PCDH11X: variants seen among roughly 807,000 people sequenced by gnomAD.
The protein encoded by PCDH11X is protocadherin-11 X-linked.
In PCDH11X, 18 loss-of-function variants were observed where a neutral mutation model predicts 53.3. The ratio of observed to expected loss-of-function variants is 0.34; its 90% CI spans 0.23 to 0.50. PCDH11X has a LOEUF of 0.50. Ranked by LOEUF, PCDH11X falls within the 20% of genes least tolerant of loss-of-function variation. The pLI is 0.98. For synonymous variants in PCDH11X, 279 were observed against 393.3 expected (o/e 0.71, Z 3.44); for missense variants, 570 against 1,032.4 (o/e 0.55, Z 6.14).
intron 7 of PCDH11X, among the ~76,000 whole-genome samples, chrX:92,242,768 G>T (rs1040173906): frequency 9.0e-6 from 1 of 110,620 alleles, no homozygotes; most frequent in Non-Finnish European, 1.9e-5. Context: ...CCAGCATTTG[G>T]TGGTATTATT....
intron 5 of PCDH11X, among the ~76,000 whole-genome samples, chrX:91,869,437 C>T (rs1404211893): frequency 9.0e-6 from 1 of 111,116 alleles, no homozygotes; most frequent in Non-Finnish European, 1.9e-5. Flanking sequence ...TGTGTGATCA[C>T]GGGCAAGTCA....
intron 6 of PCDH11X, among the ~76,000 whole-genome samples, chrX:92,128,653 C>G (rs2148191523): frequency 9.1e-6 from 1 of 110,082 alleles, no homozygotes; most frequent in South Asian, 3.9e-4. Flanking sequence ...TCTGCCTCGG[C>G]CTCCCAAAGT....
chrX:92,583,984 T>A (rs890691900), intron 10 of PCDH11X, among the ~76,000 whole-genome samples: 1 of 109,370 alleles, frequency 9.1e-6, no homozygotes, highest in Non-Finnish European at 1.9e-5. Context: ...TAATAAGCTA[T>A]CTTGGAAAAA....
intron 8 of PCDH11X, among the ~76,000 whole-genome samples, chrX:92,274,999 G>A (rs1260826080): frequency 1.8e-5 from 2 of 109,385 alleles, no homozygotes; most frequent in African/African-American, 6.7e-5. Flanking sequence ...GACTTAAAGA[G>A]TGAGTACAGC....
chrX:91,894,855 G>T (rs1940676859), intron 6 of PCDH11X, among the ~76,000 whole-genome samples: 2 of 110,979 alleles, frequency 1.8e-5, no homozygotes, highest in Middle Eastern at 4.6e-3. Flanking sequence ...CCCCAGATTG[G>T]CTACCACATA....
chrX:91,788,279 T>C (rs1935399723), intron 1 of PCDH11X, among the ~76,000 whole-genome samples: 1 of 111,772 alleles, frequency 8.9e-6, no homozygotes, highest in Non-Finnish European at 1.9e-5. Flanking sequence ...AAATACTGTT[T>C]CCCACATTTT....
intron 10 of PCDH11X, among the ~76,000 whole-genome samples, chrX:92,511,576 A>T (rs1411912550): frequency 9.0e-6 from 1 of 111,477 alleles, no homozygotes; most frequent in African/African-American, 3.3e-5. Flanking sequence ...GATTGTAGCT[A>T]TTGTTTTTGT....
At chrX:91,824,888 C>T (rs1936848488) in intron 4 of PCDH11X, among the ~76,000 whole-genome samples, 1 of 107,357 alleles carries the variant, frequency 9.3e-6, no homozygotes, top group Non-Finnish European at 1.9e-5. Context: ...AGTTTTCCTT[C>T]TAACAGACAG....
At chrX:92,506,530 T>G (rs1359921412) in intron 10 of PCDH11X, among the ~76,000 whole-genome samples, 1 of 105,508 alleles carries the variant, frequency 9.5e-6, no homozygotes, top group African/African-American at 3.4e-5. Context: ...ATATGATGAA[T>G]CATATTTTTT....
At chrX:92,090,412 T>C (rs1370180287) in intron 6 of PCDH11X, among the ~76,000 whole-genome samples, 2 of 110,816 alleles carry the variant, frequency 1.8e-5, no homozygotes, top group Non-Finnish European at 3.8e-5. Context: ...TTGTTTAAAT[T>C]TATAACCTCA....
intron 10 of PCDH11X, among the ~76,000 whole-genome samples, chrX:92,556,556 G>T (rs1294114797): frequency 3.6e-5 from 4 of 111,793 alleles, no homozygotes; most frequent in African/African-American, 1.3e-4. Flanking sequence ...TCACATCCAG[G>T]TCACACTGAT....
At chrX:92,564,619 A>G (rs777479645) in intron 10 of PCDH11X, among the ~76,000 whole-genome samples, 51 of 111,426 alleles carry the variant, frequency 4.6e-4, no homozygotes, top group African/African-American at 1.7e-3. Context: ...AAATCAAATT[A>G]TAATGGATTA....
intron 6 of PCDH11X, among the ~76,000 whole-genome samples, chrX:92,095,613 A>G (rs141343186): frequency 0.023 from 2,609 of 111,450 alleles, 73 homozygotes; most frequent in African/African-American, 0.081. Flanking sequence ...AAACAATAAA[A>G]AATTCTAATT....
chrX:91,985,655 G>T (rs1198306879), intron 6 of PCDH11X, among the ~76,000 whole-genome samples: 1 of 112,313 alleles, frequency 8.9e-6, no homozygotes, highest in Non-Finnish European at 1.9e-5. Context: ...AGATTTTCCT[G>T]AGATTTTTGT....
chrX:92,554,939 C>T (rs1447632111), intron 10 of PCDH11X, among the ~76,000 whole-genome samples: 1 of 111,434 alleles, frequency 9.0e-6, no homozygotes, highest in Non-Finnish European at 1.9e-5. Flanking sequence ...GTTTCCTTAG[C>T]CCTCCAAAGC....
rs1223017579 is a variant in PCDH11X, at chrX:91,877,752, G to T, written c.1512G>T (p.Leu504=). The part of the protein sequence containing the change: ...DSGPNAKINY[L]LGPDAPPEFS... ...GGCCTAATGCTAAGATCAATTACCT[G>T]CTAGGCCCTGATGCTCCACCTGAAT... The change falls in exon 6 of 11, where the codon CTG becomes CTT. Residue 504 remains leucine, a synonymous_variant. Transcript: ENST00000682573. 1 of 1,209,587 alleles carries T rather than the reference G, an allele frequency of 8.3e-7. No individual in the cohort carries two copies. Among genetic ancestry groups the T allele is most frequent in the African/African-American group, 1.8e-5 (1 of 57,028 alleles).
chrX:92,019,259 G>A (rs1456596324), intron 6 of PCDH11X, among the ~76,000 whole-genome samples: 1 of 109,176 alleles, frequency 9.2e-6, no homozygotes, highest in Non-Finnish European at 1.9e-5. Context: ...TGGAATCCCA[G>A]CAGGAGGAGA....
At chrX:92,491,692 A>G (rs889494981) in intron 10 of PCDH11X, among the ~76,000 whole-genome samples, 14 of 111,101 alleles carry the variant, frequency 1.3e-4, no homozygotes, top group African/African-American at 2.9e-4. Context: ...TTCATCCTAC[A>G]TAGCTGCAAC....
intron 6 of PCDH11X, among the ~76,000 whole-genome samples, chrX:91,985,473 C>G (rs1487923184): frequency 9.0e-6 from 1 of 111,155 alleles, no homozygotes. Context: ...CCACTGCACT[C>G]CAGCCTGGGT....
Sources: gnomAD v4.1 joint callset for allele counts (sites outside exome capture counted in the v4.1 genomes callset) on GRCh38, gnomAD v4.1.1 for gene constraint, MANE v1.5 for transcripts, NCBI Gene and HGNC (gene_info 2026-07-23, HGNC 2026-07-21) for gene names.